ORC5: variants seen among roughly 807,000 people sequenced by gnomAD.
ORC5 encodes origin recognition complex subunit 5.
Under a neutral mutation model 58.8 loss-of-function variants are expected in ORC5, and 39 were observed. That is an observed-to-expected ratio of 0.66 (90% CI 0.51 to 0.87). The LOEUF (loss-of-function observed/expected upper bound fraction) is 0.87, where lower values mean the gene tolerates loss of function less well. ORC5 is among the 40% of genes least tolerant of loss of function. The probability of loss-of-function intolerance (pLI) is 0.00; values close to 1 mark genes in which losing one functional copy is unlikely to be tolerated. For missense variants in ORC5, 493 were observed against 506.3 expected, an observed-to-expected ratio of 0.97 and a Z score of 0.25; for synonymous variants, 218 against 177.6, an observed-to-expected ratio of 1.23 and a Z score of -1.81.
At chr7:104,143,963 A>G (rs1205018731) in intron 12 of ORC5, among the ~76,000 whole-genome samples, 4 of 152,082 alleles carry the variant, frequency 2.6e-5, no homozygotes, top group Admixed American at 6.5e-5. Flanking sequence ...TGCTAAAAAT[A>G]CAAAAGTTAG....
chr7:104,153,861 T>C (rs956774621), intron 12 of ORC5, among the ~76,000 whole-genome samples: 1 of 152,180 alleles, frequency 6.6e-6, no homozygotes, highest in African/African-American at 2.4e-5. Context: ...ATGGATTAGA[T>C]ATTTTTATCT....
At chr7:104,167,479 A>G (rs959508250) in intron 9 of ORC5, among the ~76,000 whole-genome samples, 4 of 152,254 alleles carry the variant, frequency 2.6e-5, no homozygotes, top group Non-Finnish European at 5.9e-5. Context: ...TAACCTGTAC[A>G]TAAATCATAC....
intron 5 of ORC5, among the ~76,000 whole-genome samples, chr7:104,190,949 T>G (rs567337932): frequency 6.6e-6 from 1 of 151,992 alleles, no homozygotes; most frequent in African/African-American, 2.4e-5. Flanking sequence ...ATATATGAAC[T>G]ATCTGAAAAT....
At chr7:104,149,425 T>C (rs1183664991) in intron 12 of ORC5, among the ~76,000 whole-genome samples, 1 of 152,172 alleles carries the variant, frequency 6.6e-6, no homozygotes, top group African/African-American at 2.4e-5. Flanking sequence ...GTCCGTTTTG[T>C]CAAGCTCAAA....
chr7:104,178,177 A>G (rs1030325354), intron 8 of ORC5, among the ~76,000 whole-genome samples: 1 of 152,044 alleles, frequency 6.6e-6, no homozygotes, highest in East Asian at 1.9e-4. Context: ...ACTAATTTAC[A>G]CTCCCACCAA....
chr7:104,149,024 A>G (rs2115801817), intron 12 of ORC5, among the ~76,000 whole-genome samples: 1 of 128,140 alleles, frequency 7.8e-6, no homozygotes, highest in South Asian at 2.9e-4. Context: ...ACAGAGTAAG[A>G]CTCCGTCTCA....
At chr7:104,128,025 G>A (rs939589277) in intron 13 of ORC5, among the ~76,000 whole-genome samples, 20 of 152,188 alleles carry the variant, frequency 1.3e-4, no homozygotes, top group African/African-American at 4.6e-4. Flanking sequence ...GACGCAAAAA[G>A]TATGGTTATT....
At chr7:104,182,108 T>C (rs1189649987) in intron 8 of ORC5, among the ~76,000 whole-genome samples, 1 of 152,160 alleles carries the variant, frequency 6.6e-6, no homozygotes, top group Admixed American at 6.5e-5. Context: ...CAATCCAACT[T>C]TCTTCTATAA....
chr7:104,189,479 G>A (rs1434949941), intron 5 of ORC5, among the ~76,000 whole-genome samples: 2 of 152,054 alleles, frequency 1.3e-5, no homozygotes, highest in East Asian at 1.9e-4. Flanking sequence ...AGATCTCAGT[G>A]GGGACACAAA....
chr7:104,147,302 C>A (rs1392343892), intron 12 of ORC5, among the ~76,000 whole-genome samples: 1 of 152,088 alleles, frequency 6.6e-6, no homozygotes, highest in African/African-American at 2.4e-5. Context: ...ACTAGTAAAA[C>A]TTATTACTTC....
chr7:104,189,720 G>A (rs1023634412), intron 5 of ORC5, among the ~76,000 whole-genome samples: 2 of 152,136 alleles, frequency 1.3e-5, no homozygotes, highest in Non-Finnish European at 2.9e-5. Context: ...CTGAGCTTGG[G>A]ACCCCACTGG....
chr7:104,149,613 T>A (rs1447451789), intron 12 of ORC5, among the ~76,000 whole-genome samples: 1 of 152,326 alleles, frequency 6.6e-6, no homozygotes, highest in Non-Finnish European at 1.5e-5. Flanking sequence ...TGTTTTCCAC[T>A]GATGTTTTTC....
At position 104,168,480 on chromosome 7, in the gene ORC5, T is replaced by C; in HGVS notation, c.870A>G (p.Gln290=). 2 of 1,605,724 alleles carry C rather than the reference T, an allele frequency of 1.2e-6. No individual in the cohort carries two copies. The highest frequency in any genetic ancestry group is 1.7e-6 in the Non-Finnish European group (2 of 1,176,832). Residue 290 remains glutamine, a synonymous_variant, in exon 9 of 14, where the codon CAA becomes CAG. Coordinates refer to ENST00000297431, the MANE Select transcript of ORC5 (RefSeq NM_002553.4). ...CAATACTTCCTCTGATACCTTTCAG[T>C]TGCCCCGGATCTGTGTCATCTTTCT... is the stretch of plus-strand genomic sequence containing the variant. ...KLQKDDTDPG[Q]LKGLSAHTHV...
At chr7:104,157,229 T>C (rs894162026) in intron 12 of ORC5, among the ~76,000 whole-genome samples, 8 of 151,910 alleles carry the variant, frequency 5.3e-5, no homozygotes, top group East Asian at 1.9e-4. Flanking sequence ...ACACAATATA[T>C]ATGTTATTAG....
In ORC5 at chr7:104,180,043, T is replaced by C. The variant is rs141790366; in HGVS notation, c.824+3900A>G. Among the ~76,000 whole-genome samples the C allele has an allele frequency of 1.4e-3, 207 of 152,356 alleles. 2 individuals carry two copies. The highest frequency in any genetic ancestry group is 3.5e-3 in the South Asian group (17 of 4,826). ...TTGATTCTGTACACTTGGCTTTTCT[T>C]AATGTGTCTGAATTATTCCATGTAA... On this transcript the variant is annotated intron_variant, in intron 8 of 13. Transcript: ENST00000297431.
At chr7:104,173,694 G>A (rs1254002657) in intron 8 of ORC5, among the ~76,000 whole-genome samples, 1 of 152,084 alleles carries the variant, frequency 6.6e-6, no homozygotes, top group Admixed American at 6.6e-5. Flanking sequence ...ATCCCTTTCT[G>A]GTAAGGACAA....
chr7:104,191,005 C>G (rs1013068943), intron 5 of ORC5, among the ~76,000 whole-genome samples: 2 of 149,252 alleles, frequency 1.3e-5, no homozygotes, highest in African/African-American at 4.9e-5. Context: ...AATATTTAAA[C>G]ACAGAAGTTG....
chr7:104,168,233 T>C, intron 9 of ORC5: 1 of 1,057,668 alleles, frequency 9.5e-7, no homozygotes, highest in Non-Finnish European at 1.2e-6. Context: ...TGCTTGATTT[T>C]CATGATATAA....
chr7:104,161,360 CT>C (rs1430856468), intron 11 of ORC5, among the ~76,000 whole-genome samples, 178 bp from the exon 12 acceptor site: 2 of 151,976 alleles, frequency 1.3e-5, no homozygotes, highest in East Asian at 1.9e-4. Flanking sequence ...ATGATTTATC[CT>C]TTTTTTAAGT....
Sources: allele counts gnomAD v4.1 joint callset (sites outside exome capture counted in the v4.1 genomes callset), GRCh38; gene constraint gnomAD v4.1.1; transcripts MANE v1.5; gene names NCBI Gene and HGNC (gene_info 2026-07-23, HGNC 2026-07-21).